Variants in DMD observed in about 807,000 individuals in gnomAD.
DMD encodes mutant dystrophin.
Under a neutral mutation model 330.1 loss-of-function variants are expected in DMD, and 63 were observed. The observed-to-expected ratio is 0.19, with a 90% CI of 0.16 to 0.24. The LOEUF is 0.24. Among genes scored for constraint, DMD ranks in the 10% least tolerant of loss-of-function variants. The pLI, the probability that DMD is intolerant of heterozygous loss-of-function variation, is 1.00. For missense variants in DMD, 3,344 were observed against 2,684.1 expected (o/e 1.25, Z -5.43); for synonymous variants, 1,223 against 959.8 (o/e 1.27, Z -5.07).
At chrX:32,406,845 G>C (rs748228116) in intron 30 of DMD, among the ~76,000 whole-genome samples, 1 of 111,207 alleles carries the variant, frequency 9.0e-6, no homozygotes, top group Non-Finnish European at 1.9e-5. Flanking sequence ...TCTGATCTTT[G>C]ACAAACCTCA....
chrX:33,272,021 T>C (rs946666158), intron 1 of DMD, among the ~76,000 whole-genome samples: 13 of 109,610 alleles, frequency 1.2e-4, no homozygotes, highest in Non-Finnish European at 1.3e-4. Context: ...GTAGCTGGGA[T>C]TACAGGTGCC....
At chrX:31,794,412 C>T (rs2091725215) in intron 50 of DMD, among the ~76,000 whole-genome samples, 1 of 111,745 alleles carries the variant, frequency 8.9e-6, no homozygotes, top group Non-Finnish European at 1.9e-5. Context: ...TTGATATCAA[C>T]ATTAAGCAGC....
At chrX:31,623,034 T>A (rs1483065593) in intron 55 of DMD, among the ~76,000 whole-genome samples, 2 of 108,670 alleles carry the variant, frequency 1.8e-5, no homozygotes, top group Non-Finnish European at 3.8e-5. Context: ...AAAATACATA[T>A]AAAACTCAAT....
intron 52 of DMD, among the ~76,000 whole-genome samples, chrX:31,718,950 G>A (rs2085267610): frequency 9.0e-6 from 1 of 111,577 alleles, no homozygotes; most frequent in African/African-American, 3.3e-5. Flanking sequence ...AATTTGCCAT[G>A]GGTCCCACTG....
At chrX:32,696,131 G>A (rs112528358) in intron 9 of DMD, among the ~76,000 whole-genome samples, 5,505 of 111,828 alleles carry the variant, frequency 0.049, 305 homozygotes, top group African/African-American at 0.17. Flanking sequence ...TTTCTCTGTA[G>A]ACCAGCAAGT....
chrX:31,430,791 G>GTTT (rs2063999331), intron 60 of DMD, among the ~76,000 whole-genome samples: 3 of 90,553 alleles, frequency 3.3e-5, no homozygotes, highest in African/African-American at 1.3e-4. Flanking sequence ...GCAAGTTAAG[G>GTTT]TCTTTTTTTT....
chrX:33,280,716 T>G (rs972354358), intron 1 of DMD, among the ~76,000 whole-genome samples: 4 of 112,006 alleles, frequency 3.6e-5, no homozygotes, highest in Non-Finnish European at 5.6e-5. Flanking sequence ...AATTATACTT[T>G]AAGCTGTAAA....
chrX:32,607,036 A>G (rs2056780310), intron 12 of DMD, among the ~76,000 whole-genome samples: 1 of 109,575 alleles, frequency 9.1e-6, no homozygotes, highest in African/African-American at 3.3e-5. Flanking sequence ...CCTATTGAGT[A>G]TAGTGTTCGC....
At chrX:33,021,789 G>A (rs2093919328) in intron 1 of DMD, among the ~76,000 whole-genome samples, 1 of 111,374 alleles carries the variant, frequency 9.0e-6, no homozygotes, top group Non-Finnish European at 1.9e-5. Flanking sequence ...GCTTCTATAT[G>A]TATGTTCAAT....
chrX:32,002,498 T>C (rs2095633970), intron 44 of DMD, among the ~76,000 whole-genome samples: 1 of 112,048 alleles, frequency 8.9e-6, no homozygotes, highest in African/African-American at 3.2e-5. Flanking sequence ...TTAGCTAAGT[T>C]TCTCAATCTC....
chrX:32,990,949 T>C (rs1237808426), intron 2 of DMD, among the ~76,000 whole-genome samples: 1 of 111,610 alleles, frequency 9.0e-6, no homozygotes, highest in African/African-American at 3.3e-5. Context: ...TTGGGATTAC[T>C]GGACTTAAAA....
At chrX:32,217,107 G>C (rs1274228720) in intron 43 of DMD, 44 bp from the exon 44 acceptor site, 3 of 1,161,194 alleles carry the variant, frequency 2.6e-6, no homozygotes, top group African/African-American at 1.8e-5. Context: ...GATGGATTAT[G>C]TAAAACAGAT....
intron 7 of DMD, among the ~76,000 whole-genome samples, chrX:32,727,367 G>A (rs956865265): frequency 9.0e-6 from 1 of 110,893 alleles, no homozygotes; most frequent in Non-Finnish European, 1.9e-5. Flanking sequence ...TATAAAAATG[G>A]TTTCACGAGA....
At chrX:32,518,795 T>A (rs1015139531) in intron 17 of DMD, among the ~76,000 whole-genome samples, 13 of 110,583 alleles carry the variant, frequency 1.2e-4, no homozygotes, top group African/African-American at 4.3e-4. Flanking sequence ...AAGCCCTCTG[T>A]GACCCATCTC....
Position 31,244,539 on chromosome X carries a change from A to G in DMD, c.9286+16416T>C, listed in dbSNP as rs773384237. ...CTTCCATAAATTCAACACGAATTTG[A>G]CTTTTCTTTGTCACAATTTTCAAAA... On this transcript the variant is annotated intron_variant, in intron 63 of 78. Transcript: ENST00000357033. Among the ~76,000 whole-genome samples, 10 of 111,993 alleles carry G rather than the reference A, an allele frequency of 8.9e-5. No individual in the cohort carries two copies. In the East Asian group the frequency reaches 2.8e-3, roughly 31 times the overall value.
At chrX:32,282,528 C>T (rs755236224) in intron 43 of DMD, among the ~76,000 whole-genome samples, 2 of 111,670 alleles carry the variant, frequency 1.8e-5, no homozygotes, top group African/African-American at 6.5e-5. Context: ...TCAGAATGTC[C>T]GTGAAAATAA....
chrX:31,880,274 A>G (rs1460735508), intron 47 of DMD, among the ~76,000 whole-genome samples: 1 of 112,105 alleles, frequency 8.9e-6, no homozygotes, highest in Non-Finnish European at 1.9e-5. Flanking sequence ...AAGAATATAA[A>G]AAGATTGAAT....
At chrX:31,888,741 A>G (rs963893115) in intron 47 of DMD, among the ~76,000 whole-genome samples, 1 of 112,248 alleles carries the variant, frequency 8.9e-6, no homozygotes, top group Non-Finnish European at 1.9e-5. Flanking sequence ...TAATAAAATA[A>G]TGATGAATAT....
At chrX:31,393,077 CA>C (rs1305842694) in intron 60 of DMD, among the ~76,000 whole-genome samples, 1 of 112,287 alleles carries the variant, frequency 8.9e-6, no homozygotes, top group African/African-American at 3.2e-5. Flanking sequence ...GAAAGCAGGT[CA>C]TTCTTTTAAA....
Sources: gnomAD v4.1 joint callset for allele counts (sites outside exome capture counted in the v4.1 genomes callset) on GRCh38, gnomAD v4.1.1 for gene constraint, MANE v1.5 for transcripts, NCBI Gene and HGNC (gene_info 2026-07-23, HGNC 2026-07-21) for gene names.